Variants in UNC45A observed in about 807,000 individuals in gnomAD.
UNC45A encodes unc-45 myosin chaperone A.
In UNC45A, 78 loss-of-function variants were observed where a neutral mutation model predicts 103.2. The observed-to-expected ratio is 0.76, with a 90% CI of 0.63 to 0.91. The LOEUF (loss-of-function observed/expected upper bound fraction) is 0.91. UNC45A is among the 40% of genes least tolerant of loss of function. UNC45A has a pLI of 0.00. For synonymous variants in UNC45A, 495 were observed against 504.6 expected (o/e 0.98, Z 0.25); for missense variants, 1,193 against 1,224.8 (o/e 0.97, Z 0.39).
rs747809804 is a variant in UNC45A, at chr15:90,936,443, G to A, written c.409G>A (p.Gly137Ser). 3 of 1,614,140 alleles carry A rather than the reference G, an allele frequency of 1.9e-6. No individual in the cohort carries two copies. Among genetic ancestry groups the A allele is most frequent in the Non-Finnish European group, 2.5e-6 (3 of 1,180,000 alleles). ...CCAGGAGGCCTTGCGGAACATCGGG[G>A]GCCAGATTCAGGAGAAGGTATGTGA... ...VFQEALRNIGGQIQEKVRYMS... is the reference protein window; with the variant it reads ...VFQEALRNIGSQIQEKVRYMS... Residue 137 changes from glycine to serine, a missense_variant, in exon 4 of 20, where the codon GGC (glycine) becomes AGC (serine). By Grantham distance (56) the Gly-to-Ser change is moderately conservative (BLOSUM62 0). Coordinates refer to ENST00000418476, the MANE Select transcript of UNC45A (RefSeq NM_018671.5).
At chr15:90,947,360 G>A (rs1297414349) in intron 10 of UNC45A, 4 of 260,698 alleles carry the variant, frequency 1.5e-5, no homozygotes, top group Non-Finnish European at 3.0e-5. Context: ...TGTTGTGGCT[G>A]TGCACCCTGT....
rs781763271 is a variant in UNC45A, at chr15:90,949,758, C to T, written c.2073+38C>T. 7 of 1,604,592 alleles carry T rather than the reference C, an allele frequency of 4.4e-6. No individual in the cohort carries two copies. In the South Asian group the frequency reaches 5.5e-5, roughly 13 times the overall value. The stretch of plus-strand genomic sequence containing the variant: ...ACACACCCCTTCCTGATGGCTGAGC[C>T]ATCAGCCTATAAAACATGACTCAGC... On this transcript the variant is annotated intron_variant, in intron 15 of 19. Transcript: ENST00000418476.
Position 90,950,575 on chromosome 15 carries a change from A to G in UNC45A, c.2263A>G (p.Met755Val). Residue 755 changes from methionine (M) to valine (V), a missense_variant, in exon 17 of 20, where the codon ATG (methionine) becomes GTG (valine). Physicochemically the swap from Met to Val is conservative, Grantham distance 21. Coordinates refer to ENST00000418476, the MANE Select transcript of UNC45A (RefSeq NM_018671.5). ...CSGLQNFEAL[M>V]ALTNLAGISE... is the part of the protein sequence containing the mutation. ...AGGCCTGCAGAACTTCGAGGCGCTC[A>G]TGGCCCTAACAAACCTGGCTGGGAT... 3 of 1,614,200 alleles carry G rather than the reference A, an allele frequency of 1.9e-6. No homozygotes were observed. Among genetic ancestry groups the G allele is most frequent in the Non-Finnish European group, 2.5e-6 (3 of 1,180,026 alleles).
chr15:90,944,796 T>C, intron 8 of UNC45A, 96 bp from the exon 9 acceptor site: 2 of 1,422,908 alleles, frequency 1.4e-6, no homozygotes, highest in East Asian at 4.6e-5. Flanking sequence ...GTAGCCTTCT[T>C]GTCTTGCTTT....
At position 90,949,647 on chromosome 15, in the gene UNC45A, C is replaced by T. The variant is rs749938; in HGVS notation, c.2007-7C>T. The T allele has an allele frequency of 0.16, 252,179 of 1,613,664 alleles. 24,744 individuals are homozygous for T. The highest frequency in any genetic ancestry group is 0.41 in the East Asian group (18,617 of 44,866). ...GCTGCCTGCCCACCACCGCCTTCTC[C>T]CCACAGGGTCTTCTTGGCTTTAGTG... On this transcript the variant is annotated splice_region_variant and splice_polypyrimidine_tract_variant and intron_variant, in intron 14 of 19. Transcript: ENST00000418476.
chr15:90,953,780 C>T lies in UNC45A; in HGVS notation c.*64C>T, dbSNP rs183162257. 3.9e-5 allele frequency: 61 copies of T among 1,563,994 alleles called. No homozygotes were observed. The Middle Eastern group carries it at 1.3e-3, about 34-fold the overall frequency. ...CCTATTGTGGCACGGAGAGTAAGGA[C>T]GGAAGCAGCTTTGGCTGGTGGTGGC... On this transcript the variant is annotated 3_prime_UTR_variant, in exon 20 of 20. Transcript: ENST00000418476.
rs1464966626 is a variant in UNC45A, at chr15:90,948,043, T to G, written c.1596-99T>G. The G allele has an allele frequency of 3.2e-5, 50 of 1,560,888 alleles. No individual in the cohort carries two copies. The Admixed American group carries it at 8.5e-4, about 27-fold the overall frequency. On this transcript the variant is annotated intron_variant, in intron 11 of 19. Transcript: ENST00000418476. ...TGGTACGTGAACTGCTTCTGTACAT[T>G]GAGGGGATGCCCAAACCCTTGGTTT...
intron 6 of UNC45A, among the ~76,000 whole-genome samples, chr15:90,941,411 T>A (rs2036283469): frequency 6.6e-6 from 1 of 152,122 alleles, no homozygotes; most frequent in Admixed American, 6.5e-5. Flanking sequence ...TTGGTTGCTT[T>A]TAGAGGAGCC....
intron 12 of UNC45A, 119 bp downstream of exon 12, chr15:90,948,402 C>T (rs971022803): frequency 8.1e-5 from 118 of 1,459,644 alleles, no homozygotes; most frequent in Non-Finnish European, 1.0e-4. Flanking sequence ...GGGCTGGTGG[C>T]TGAGTGGCTG....
At chr15:90,940,552 T>C in intron 6 of UNC45A, 79 bp downstream of exon 6, 1 of 1,519,108 alleles carries the variant, frequency 6.6e-7, no homozygotes, top group Non-Finnish European at 8.9e-7. Context: ...CACCCATCTG[T>C]CCATCCGCCC....
Position 90,936,202 on chromosome 15 carries a change from C to T in UNC45A, c.251-83C>T, listed in dbSNP as rs1306523446. On this transcript the variant is annotated intron_variant, in intron 3 of 19. Coordinates refer to ENST00000418476, the MANE Select transcript of UNC45A (RefSeq NM_018671.5). ...ATTCGTCCCCCCCACCTTCTTCTGG[C>T]CTTTCCTCGAGATCTTTCCCTACTG... 1.9e-6 allele frequency: 3 copies of T among 1,541,328 alleles called. No individual in the cohort carries two copies. In the South Asian group the frequency reaches 3.8e-5, roughly 20 times the overall value.
chr15:90,933,952 AC>A (rs1252967134), upstream of UNC45A: 1 of 397,748 alleles, frequency 2.5e-6, no homozygotes, highest in Non-Finnish European at 4.4e-6. Flanking sequence ...TGGGGCTTTG[AC>A]TTTTATTTCC....
Position 90,944,466 on chromosome 15 carries a change from G to A in UNC45A, c.1028-426G>A, listed in dbSNP as rs988970887. Reference sequence around the variant, plus strand: ...TTTCACAATGGTCCTATGAGGTGTGGATATCGTGTTCACAGTGGTCCCACG... The same window carrying A: ...TTTCACAATGGTCCTATGAGGTGTGAATATCGTGTTCACAGTGGTCCCACG... On this transcript the variant is annotated intron_variant, in intron 8 of 19. Transcript: ENST00000418476. 3.9e-5 allele frequency among the ~76,000 whole-genome samples: 6 copies of A among 152,158 alleles called. No individual in the cohort carries two copies. The East Asian group carries it at 7.7e-4, about 20-fold the overall frequency.
upstream of UNC45A, chr15:90,931,259 T>G: frequency 6.4e-7 from 1 of 1,550,724 alleles, no homozygotes; most frequent in Non-Finnish European, 8.7e-7. Flanking sequence ...TGCCTCTGGA[T>G]AGCTTCAAGC....
At chr15:90,938,077 G>A (rs1478541179) in intron 4 of UNC45A, among the ~76,000 whole-genome samples, 1 of 152,324 alleles carries the variant, frequency 6.6e-6, no homozygotes, top group Middle Eastern at 3.4e-3. Flanking sequence ...GATAACAGGC[G>A]TGAGCCATGG....
chr15:90,932,130 C>T, upstream of UNC45A: 1 of 1,575,530 alleles, frequency 6.3e-7, no homozygotes, highest in Non-Finnish European at 8.6e-7. Context: ...AGGGGCAAAG[C>T]AGGAAGTCAG....
chr15:90,953,854 C>T lies in UNC45A; in HGVS notation c.*138C>T, dbSNP rs1435387884. 7.7e-6 allele frequency: 10 copies of T among 1,295,698 alleles called. No homozygotes were observed. Among genetic ancestry groups the T allele is most frequent in the Non-Finnish European group, 1.1e-5 (10 of 947,720 alleles). 80.3% of individuals were successfully genotyped at this position (1,295,698 alleles called of 1,614,324 possible). On this transcript the variant is annotated 3_prime_UTR_variant, in exon 20 of 20. Coordinates refer to ENST00000418476, the MANE Select transcript of UNC45A (RefSeq NM_018671.5). ...ATCCTCGCTTGCTGCCCTAGGATGT[C>T]CTCTGTTCTGAGTCAGCGGCCACGT...
At chr15:90,948,526 T>C in intron 12 of UNC45A, 128 bp from the exon 13 acceptor site, 1 of 1,450,852 alleles carries the variant, frequency 6.9e-7, no homozygotes, top group Non-Finnish European at 9.2e-7. Context: ...GCCTGGGAGT[T>C]TCCCGAATTC....
intron 10 of UNC45A, 26 bp from the exon 11 acceptor site, chr15:90,947,770 C>T (rs751405296): frequency 1.3e-6 from 2 of 1,592,522 alleles, no homozygotes; most frequent in Non-Finnish European, 1.7e-6. Context: ...CCCCAGAGGC[C>T]AACTGGTCTT....
Sources: gnomAD v4.1 joint callset for allele counts (sites outside exome capture counted in the v4.1 genomes callset) on GRCh38, gnomAD v4.1.1 for gene constraint, MANE v1.5 for transcripts, NCBI Gene and HGNC (gene_info 2026-07-23, HGNC 2026-07-21) for gene names.